The following CHSY1 variants were observed in gnomAD, a reference collection of about 807,000 sequenced individuals.
The protein encoded by CHSY1 is N-acetylgalactosaminyl-proteoglycan 3-beta-glucuronosyltransferase 1.
In CHSY1, 13 loss-of-function variants were observed where a neutral mutation model predicts 59.8. The ratio of observed to expected loss-of-function variants is 0.22; its 90% confidence interval spans 0.14 to 0.35. The LOEUF (loss-of-function observed/expected upper bound fraction) is 0.35, where lower values mean the gene tolerates loss of function less well. Ranked by LOEUF, CHSY1 falls within the 10% of genes least tolerant of loss-of-function variation. The pLI is 1.00. For missense variants in CHSY1, 947 were observed against 1,030.6 expected (o/e 0.92, Z 1.11); for synonymous variants, 459 against 401.2 (o/e 1.14, Z -1.72).
At chr15:101,231,524 T>TA (rs2038892624) in intron 2 of CHSY1, among the ~76,000 whole-genome samples, 1 of 152,320 alleles carries the variant, frequency 6.6e-6, no homozygotes, top group Non-Finnish European at 1.5e-5. Context: ...TAAAAACAAT[T>TA]AATATTTTAA....
At chr15:101,245,129 C>A (rs2039037993) in intron 1 of CHSY1, among the ~76,000 whole-genome samples, 1 of 152,216 alleles carries the variant, frequency 6.6e-6, no homozygotes, top group Non-Finnish European at 1.5e-5. Flanking sequence ...TCCCATCAGG[C>A]TACTGTCCTG....
chr15:101,193,273 G>A (rs1237959484), intron 2 of CHSY1, among the ~76,000 whole-genome samples: 2 of 152,224 alleles, frequency 1.3e-5, no homozygotes, highest in East Asian at 1.9e-4. Context: ...CCACGAAGCT[G>A]GGGAGACAGC....
At chr15:101,216,804 T>C (rs1337192834) in intron 2 of CHSY1, among the ~76,000 whole-genome samples, 3 of 152,190 alleles carry the variant, frequency 2.0e-5, no homozygotes, top group African/African-American at 7.2e-5. Context: ...GATACTGTAA[T>C]GGTGGACACA....
intron 2 of CHSY1, among the ~76,000 whole-genome samples, chr15:101,208,637 C>CA (rs757012834): frequency 8.0e-5 from 12 of 149,204 alleles, no homozygotes; most frequent in Non-Finnish European, 1.5e-4. Context: ...TGCTTGAACC[C>CA]AGGAGGCGGA....
intron 2 of CHSY1, among the ~76,000 whole-genome samples, chr15:101,203,200 T>A (rs1296690832): frequency 8.6e-5 from 13 of 151,178 alleles, no homozygotes; most frequent in Non-Finnish European, 7.4e-5. Flanking sequence ...GGTGAGGGAG[T>A]ATAAAGGCAG....
At chr15:101,188,293 G>A in intron 2 of CHSY1, 1 of 600,974 alleles carries the variant, frequency 1.7e-6, no homozygotes, top group Non-Finnish European at 2.1e-6. Flanking sequence ...CCAGTCACGA[G>A]TTTTAAACAT....
intron 1 of CHSY1, among the ~76,000 whole-genome samples, chr15:101,250,045 C>T (rs548795063): frequency 6.6e-6 from 1 of 152,324 alleles, no homozygotes; most frequent in East Asian, 1.9e-4. Context: ...CCCCTCACAA[C>T]ATCTAGTGCC....
At chr15:101,242,202 A>G (rs143864832) in intron 1 of CHSY1, among the ~76,000 whole-genome samples, 126 of 152,336 alleles carry the variant, frequency 8.3e-4, no homozygotes, top group Admixed American at 2.2e-3. Flanking sequence ...GGATGAGAAA[A>G]ATCAGCAAGA....
chr15:101,179,951 A>C (rs2141237588), intron 2 of CHSY1, among the ~76,000 whole-genome samples: 1 of 152,340 alleles, frequency 6.6e-6, no homozygotes. Context: ...GTTTGCAAAA[A>C]ATGTTCAGTG....
intron 1 of CHSY1, among the ~76,000 whole-genome samples, chr15:101,244,021 C>T (rs1214137822): frequency 2.0e-5 from 3 of 152,214 alleles, no homozygotes; most frequent in African/African-American, 7.2e-5. Flanking sequence ...GACACCACAT[C>T]AGAGCAGACT....
intron 2 of CHSY1, among the ~76,000 whole-genome samples, chr15:101,190,810 C>T (rs1213955451): frequency 1.3e-5 from 2 of 152,180 alleles, no homozygotes; most frequent in African/African-American, 4.8e-5. Flanking sequence ...CGAAGTTACA[C>T]AGATGGTAGA....
chr15:101,196,510 T>C (rs1242346678), intron 2 of CHSY1, among the ~76,000 whole-genome samples: 1 of 152,154 alleles, frequency 6.6e-6, no homozygotes, highest in African/African-American at 2.4e-5. Flanking sequence ...TGATAACCAC[T>C]GTTATTATCT....
At chr15:101,179,907 G>A (rs2038253223) in intron 2 of CHSY1, among the ~76,000 whole-genome samples, 1 of 152,228 alleles carries the variant, frequency 6.6e-6, no homozygotes, top group African/African-American at 2.4e-5. Flanking sequence ...GGAGATGAAC[G>A]TTTTTACAAA....
chr15:101,222,334 C>T (rs8042424), intron 2 of CHSY1, among the ~76,000 whole-genome samples: 47,892 of 152,100 alleles, frequency 0.31, 9,172 homozygotes, highest in African/African-American at 0.54. Context: ...TGGTTCTAGC[C>T]ACTTTGTACT....
intron 2 of CHSY1, among the ~76,000 whole-genome samples, chr15:101,201,186 G>C (rs948090680): frequency 1.3e-5 from 2 of 152,206 alleles, no homozygotes; most frequent in Non-Finnish European, 2.9e-5. Flanking sequence ...ATTCCTCTTA[G>C]AGAACAGTGA....
chr15:101,212,835 G>A (rs1032450737), intron 2 of CHSY1, among the ~76,000 whole-genome samples: 2 of 152,198 alleles, frequency 1.3e-5, no homozygotes, highest in African/African-American at 4.8e-5. Flanking sequence ...TTGAAGGAAA[G>A]TGTACCAATT....
At position 101,251,358 on chromosome 15, in the gene CHSY1, C is replaced by T; in HGVS notation, c.99G>A (p.Glu33=). The part of the protein sequence containing the change: ...ASRLVLPRAS[E]LKRAGPRRRA... Reference sequence around the variant, plus strand: ...GGCGCCGTGGGCCCGCTCGCTTCAGCTCGGAAGCCCGGGGCAGGACGAGCC... The same window carrying T: ...GGCGCCGTGGGCCCGCTCGCTTCAGTTCGGAAGCCCGGGGCAGGACGAGCC... The change falls in exon 1 of 3, where the codon GAG becomes GAA. Residue 33 remains glutamate (E), a synonymous_variant. Transcript: ENST00000254190. 2 of 1,157,962 alleles carry T rather than the reference C, an allele frequency of 1.7e-6. No individual in the cohort carries two copies. The highest frequency in any genetic ancestry group is 1.7e-5 in the South Asian group (1 of 58,246). 71.7% of individuals were successfully genotyped at this position (1,157,962 alleles called of 1,614,324 possible).
chr15:101,214,286 C>A (rs2038710498), intron 2 of CHSY1, among the ~76,000 whole-genome samples: 1 of 152,212 alleles, frequency 6.6e-6, no homozygotes, highest in Non-Finnish European at 1.5e-5. Context: ...CACCCACTGA[C>A]CCTGTCCCTC....
At chr15:101,200,096 A>G in intron 2 of CHSY1, among the ~76,000 whole-genome samples, 1 of 152,250 alleles carries the variant, frequency 6.6e-6, no homozygotes, top group Non-Finnish European at 1.5e-5. Context: ...TACAACATAA[A>G]ATAAATACCT....
Sources: allele counts gnomAD v4.1 joint callset (sites outside exome capture counted in the v4.1 genomes callset), GRCh38; gene constraint gnomAD v4.1.1; transcripts MANE v1.5; gene names NCBI Gene and HGNC (gene_info 2026-07-23, HGNC 2026-07-21).